NDUFV3: variants seen among roughly 807,000 people sequenced by gnomAD.
The protein encoded by NDUFV3 is NADH dehydrogenase [ubiquinone] flavoprotein 3, mitochondrial.
In NDUFV3, 44 loss-of-function variants were observed where a neutral mutation model predicts 37.5. That is an observed-to-expected ratio of 1.17 (90% confidence interval 0.92 to 1.51). The LOEUF is 1.51. Among genes scored for constraint, NDUFV3 ranks in the 40% most tolerant of loss-of-function variants. The pLI is 0.00. For missense variants in NDUFV3, 580 were observed against 580.4 expected (o/e 1.00, Z 0.01); for synonymous variants, 235 against 239.3 (o/e 0.98, Z 0.17).
chr21:42,901,356 C>A (rs1368420948), intron 2 of NDUFV3, among the ~76,000 whole-genome samples: 1 of 151,968 alleles, frequency 6.6e-6, no homozygotes, highest in African/African-American at 2.4e-5. Context: ...GCAGGAGAAT[C>A]ACTTGAACCC....
rs1027400292 is a variant in NDUFV3 at position 42,911,527 on chromosome 21, G to A, written c.*2506G>A. The A allele has an allele frequency of 3.3e-5, 4 of 123,042 alleles. No homozygotes were observed. Among genetic ancestry groups the A allele is most frequent in the African/African-American group, 1.3e-4 (4 of 31,352 alleles). 7.6% of individuals were successfully genotyped at this position (123,042 alleles called of 1,614,324 possible). On this transcript the variant is annotated 3_prime_UTR_variant, in exon 4 of 4. Coordinates refer to ENST00000354250, the MANE Select transcript of NDUFV3 (RefSeq NM_021075.4). ...TGCGATCTCAGCTCACTGCAGCCTC[G>A]TCCTCCCAGGCCCAAGCAATCCTCC...
At chr21:42,897,657 G>A (rs1332307697) in intron 2 of NDUFV3, among the ~76,000 whole-genome samples, 1 of 152,034 alleles carries the variant, frequency 6.6e-6, no homozygotes, top group East Asian at 1.9e-4. Context: ...ACAGGCGTGA[G>A]CCACTGCGCC....
rs1287514160 is a variant in NDUFV3 at position 42,911,272 on chromosome 21, A to G, written c.*2251A>G. On this transcript the variant is annotated 3_prime_UTR_variant, in exon 4 of 4. Transcript: ENST00000354250. ...AAAATTTTTTTTTTTAAATATCAAA[A>G]TTGAAAACTAGTATTGTGGTCATCT... 6.6e-6 allele frequency: 1 copy of G among 152,036 alleles called. No individual in the cohort carries two copies. The allele number at this position is 152,036 out of a possible 1,614,324, so 9.4% of individuals were successfully genotyped here. A position where few individuals can be genotyped will look rare whatever the true frequency, so the allele number is the denominator to read the frequency against.
In NDUFV3 at chr21:42,900,035, A is replaced by G. The variant is rs2058712353; in HGVS notation, c.169+2988A>G. 2.0e-5 allele frequency among the ~76,000 whole-genome samples: 3 copies of G among 152,152 alleles called. No individual in the cohort carries two copies. In the South Asian group the frequency reaches 6.2e-4, roughly 31 times the overall value. ...CAACATAGTGAAAACCTATCTCTAGAAAAAACTTTAAAAAGTAGCTGGGTA... is the reference window on the plus strand; with the variant it reads ...CAACATAGTGAAAACCTATCTCTAGGAAAAACTTTAAAAAGTAGCTGGGTA... On this transcript the variant is annotated intron_variant, in intron 2 of 3. Coordinates refer to ENST00000354250, the MANE Select transcript of NDUFV3 (RefSeq NM_021075.4).
At chr21:42,898,248 C>T (rs1263910359) in intron 2 of NDUFV3, among the ~76,000 whole-genome samples, 2 of 152,086 alleles carry the variant, frequency 1.3e-5, no homozygotes, top group African/African-American at 2.4e-5. Context: ...ACTCCTGCCT[C>T]GTTTTTCAAT....
chr21:42,899,286 T>TTTTTTTTTTTTTTTTTA (rs1370334671), intron 2 of NDUFV3, among the ~76,000 whole-genome samples: 3 of 140,866 alleles, frequency 2.1e-5, no homozygotes, highest in African/African-American at 9.3e-5. Context: ...TGTTTTTTTT[T>TTTTTTTTTTTTTTTTTA]GAGACAGAGT....
At chr21:42,904,376 C>A in intron 3 of NDUFV3, 100 bp downstream of exon 3, 2 of 1,489,380 alleles carry the variant, frequency 1.3e-6, no homozygotes, top group Non-Finnish European at 9.1e-7. Flanking sequence ...TACAATTAGT[C>A]AAATTCTGTA....
intron 3 of NDUFV3, 22 bp downstream of exon 3, chr21:42,904,298 C>A (rs764684031): frequency 6.4e-7 from 1 of 1,569,952 alleles, no homozygotes; most frequent in Non-Finnish European, 8.6e-7. Flanking sequence ...CTCGCGCTCC[C>A]AAGTGCACCC....
chr21:42,900,959 A>G (rs1370363007), intron 2 of NDUFV3, among the ~76,000 whole-genome samples: 3 of 152,182 alleles, frequency 2.0e-5, no homozygotes, highest in Non-Finnish European at 2.9e-5. Context: ...TCCAGTACCC[A>G]GGCCTAATTT....
At chr21:42,895,416 A>G (rs1409094904) in intron 1 of NDUFV3, among the ~76,000 whole-genome samples, 2 of 152,150 alleles carry the variant, frequency 1.3e-5, no homozygotes, top group African/African-American at 4.8e-5. Flanking sequence ...CACGAGGCGG[A>G]GATTGTAGTG....
rs1568859390 is a variant in NDUFV3 at position 42,903,499 on chromosome 21, G to A, written c.487G>A (p.Glu163Lys). The A allele has an allele frequency of 6.2e-7, 1 of 1,614,160 alleles. No individual in the cohort carries two copies. The highest frequency in any genetic ancestry group is 2.2e-5 in the East Asian group (1 of 44,886). ...ATCCTCTTCCAGCTCCTCTGATTCT[G>A]AATCTGATGATGAGGCTGACGTTTC... is the stretch of plus-strand genomic sequence containing the variant. Reference protein sequence around the residue: ...SSSSSSSSDSESDDEADVSEV... With the variant: ...SSSSSSSSDSKSDDEADVSEV... The change falls in exon 3 of 4, where the codon GAA (glutamate) becomes AAA (lysine). Residue 163 changes from glutamate (E) to lysine (K), a missense_variant. Transcript: ENST00000354250.
At position 42,903,991 on chromosome 21, in the gene NDUFV3, C is replaced by G. The variant is rs761835700; in HGVS notation, c.979C>G (p.Pro327Ala). Residue 327 changes from proline (P) to alanine (A), a missense_variant, in exon 3 of 4, where the codon CCT becomes GCT. Pro to Ala is a conservative substitution (Grantham distance 27). Transcript: ENST00000354250. ...AGAGGGGCAGCTGCAAGCCAGTCCT[C>G]CTGGGGCGGCAGAGGGGCATCTGGA... ...RAEGQLQASP[P>A]GAAEGHLEKP... 3.8e-5 allele frequency: 61 copies of G among 1,614,120 alleles called. No individual in the cohort carries two copies. Among genetic ancestry groups the G allele is most frequent in the Non-Finnish European group, 4.9e-5 (58 of 1,180,032 alleles).
Position 42,911,443 on chromosome 21 carries a change from T to A in NDUFV3, c.*2422T>A, listed in dbSNP as rs2058770455. On this transcript the variant is annotated 3_prime_UTR_variant, in exon 4 of 4. Transcript: ENST00000354250. ...AATCCACTATGCTAACCCACCCTTT[T>A]TTTTTTTTTTTTTTTTTTTTTTTTT... 1 of 28,490 alleles carries A rather than the reference T, an allele frequency of 3.5e-5. No individual in the cohort carries two copies. Among genetic ancestry groups the A allele is most frequent in the Non-Finnish European group, 7.5e-5 (1 of 13,302 alleles). The allele number at this position is 28,490 out of a possible 1,614,324, so 1.8% of individuals were successfully genotyped here.
intron 3 of NDUFV3, among the ~76,000 whole-genome samples, chr21:42,906,402 C>A (rs746286368): frequency 6.6e-6 from 1 of 152,062 alleles, no homozygotes. Flanking sequence ...GTTCGTTGTG[C>A]GACAGGATCT....
At chr21:42,898,525 A>G (rs1568856894) in intron 2 of NDUFV3, among the ~76,000 whole-genome samples, 1 of 152,194 alleles carries the variant, frequency 6.6e-6, no homozygotes, top group Admixed American at 6.6e-5. Context: ...GCTGTAGTAC[A>G]GAGGCACAAT....
intron 2 of NDUFV3, among the ~76,000 whole-genome samples, chr21:42,897,807 G>T: frequency 6.6e-6 from 1 of 152,022 alleles, no homozygotes; most frequent in South Asian, 2.1e-4. Context: ...CTCCTGAGTA[G>T]CTGGGACTAC....
Position 42,896,956 on chromosome 21 carries a change from AG to A in NDUFV3, c.80del (p.Gly27AspfsTer32). ...TGCTCCAGGAAGCCCAGGTGTTTCG[AG>A]GACTTGCTTCTACGGTTTCTTTGTC... ...TMLQEAQVFR[G>X]LASTVSLSAE... On this transcript the variant is annotated frameshift_variant, in exon 2 of 4. Transcript: ENST00000354250. LOFTEE classifies it high-confidence loss of function. 6.2e-7 allele frequency: 1 copy of A among 1,614,000 alleles called. No individual in the cohort carries two copies. Among genetic ancestry groups the A allele is most frequent in the Non-Finnish European group, 8.5e-7 (1 of 1,179,866 alleles).
intron 2 of NDUFV3, among the ~76,000 whole-genome samples, chr21:42,897,996 T>C (rs1437036597): frequency 6.6e-6 from 1 of 152,248 alleles, no homozygotes; most frequent in Admixed American, 6.5e-5. Flanking sequence ...AATCATTATA[T>C]GGGGTTGTAG....
chr21:42,900,300 G>C (rs1296634040), intron 2 of NDUFV3, among the ~76,000 whole-genome samples: 1 of 152,032 alleles, frequency 6.6e-6, no homozygotes, highest in African/African-American at 2.4e-5. Flanking sequence ...TCAGGAGTTC[G>C]AGAACAGCCT....
Sources: gnomAD v4.1 joint callset for allele counts (sites outside exome capture counted in the v4.1 genomes callset) on GRCh38, gnomAD v4.1.1 for gene constraint, MANE v1.5 for transcripts, NCBI Gene and HGNC (gene_info 2026-07-23, HGNC 2026-07-21) for gene names.